Variants in RAF1 observed in about 807,000 individuals in gnomAD.
The protein encoded by RAF1 is Raf-1 proto-oncogene, serine/threonine kinase, also known as RAF proto-oncogene serine/threonine-protein kinase.
Under a neutral mutation model 81.1 loss-of-function variants are expected in RAF1, and 27 were observed. The ratio of observed to expected loss-of-function variants is 0.33; its 90% CI spans 0.25 to 0.46. RAF1 has a LOEUF of 0.46. Ranked by LOEUF, RAF1 falls within the 20% of genes least tolerant of loss-of-function variation. The pLI is 1.00. For missense variants in RAF1, 598 were observed against 826.0 expected (o/e 0.72, Z 3.38); for synonymous variants, 298 against 294.0 (o/e 1.01, Z -0.14).
chr3:12,649,227 A>C (rs538702494), intron 1 of RAF1, among the ~76,000 whole-genome samples: 4 of 152,338 alleles, frequency 2.6e-5, no homozygotes, highest in African/African-American at 9.6e-5. Context: ...TGTAAAACTG[A>C]TAATATCATT....
chr3:12,599,891 G>T, intron 10 of RAF1, 83 bp from the exon 10 acceptor site: 1 of 1,230,386 alleles, frequency 8.1e-7, no homozygotes. Context: ...ATCAACCCAT[G>T]TCATCTGTTT....
At chr3:12,629,090 T>C (rs1339875352) in intron 1 of RAF1, among the ~76,000 whole-genome samples, 1 of 152,150 alleles carries the variant, frequency 6.6e-6, no homozygotes, top group East Asian at 1.9e-4. Flanking sequence ...ATAATTCCTA[T>C]GGATCATTTT....
chr3:12,644,170 G>A (rs749933822), intron 1 of RAF1, among the ~76,000 whole-genome samples: 20 of 152,070 alleles, frequency 1.3e-4, no homozygotes, highest in Middle Eastern at 6.8e-3. Context: ...AAGTAGCTTC[G>A]GGACAAGTCA....
intron 1 of RAF1, among the ~76,000 whole-genome samples, chr3:12,624,189 C>T (rs1222372331): frequency 6.6e-6 from 1 of 152,056 alleles, no homozygotes; most frequent in Admixed American, 6.6e-5. Flanking sequence ...CTCATACAAA[C>T]GATAGGTCAT....
In RAF1 at chr3:12,585,129, C is replaced by T. The variant is rs1345746169; in HGVS notation, c.1721G>A (p.Arg574Gln). The T allele has an allele frequency of 1.2e-6, 2 of 1,614,098 alleles. No individual in the cohort carries two copies. The highest frequency in any genetic ancestry group is 1.7e-6 in the Non-Finnish European group (2 of 1,180,022). The stretch of plus-strand genomic sequence containing the variant: ...GCACCAGCACAGACTTACCTGATCT[C>T]GGTTGTTGATGTGAGAATAAGGAAG... The change falls in exon 16 of 18, where the codon CGA becomes CAA. Residue 574 changes from arginine (R) to glutamine (Q), a missense_variant. Arg to Gln is a conservative substitution (Grantham distance 43). This residue lies in a region of RAF1 where 147 missense variants were observed against 196.1 expected (regional missense o/e 0.75). Transcript: ENST00000442415.
chr3:12,599,575 A>G, intron 11 of RAF1, 116 bp downstream of exon 10: 1 of 770,830 alleles, frequency 1.3e-6, no homozygotes, highest in South Asian at 1.4e-5. Flanking sequence ...TATGTAAGGG[A>G]GAGTACTGCT....
intron 1 of RAF1, among the ~76,000 whole-genome samples, chr3:12,646,857 G>T (rs2060363657): frequency 6.6e-6 from 1 of 151,694 alleles, no homozygotes; most frequent in South Asian, 2.1e-4. Flanking sequence ...CCTAATTTTT[G>T]TGATTTTAGT....
chr3:12,649,639 C>T (rs879209226), intron 1 of RAF1, among the ~76,000 whole-genome samples: 1 of 151,922 alleles, frequency 6.6e-6, no homozygotes, highest in Non-Finnish European at 1.5e-5. Context: ...CTGTTAGTTA[C>T]ACCATTAATT....
chr3:12,598,740 A>AAAAAAAAAC (rs2058763968), intron 11 of RAF1, among the ~76,000 whole-genome samples: 2 of 149,392 alleles, frequency 1.3e-5, no homozygotes. Context: ...AAAAAAAAAA[A>AAAAAAAAAC]AAAAAAAAAA....
chr3:12,637,660 C>G (rs2060070623), intron 1 of RAF1, among the ~76,000 whole-genome samples: 1 of 151,838 alleles, frequency 6.6e-6, no homozygotes, highest in Non-Finnish European at 1.5e-5. Flanking sequence ...CGAGACCAGC[C>G]TGGCCAATGT....
intron 1 of RAF1, among the ~76,000 whole-genome samples, chr3:12,623,564 G>A (rs1258748190): frequency 5.9e-5 from 9 of 152,068 alleles, no homozygotes; most frequent in East Asian, 3.9e-4. Context: ...TAGGGAGGCC[G>A]AGGCAGATGG....
At chr3:12,653,096 A>G (rs1338709782) in intron 1 of RAF1, among the ~76,000 whole-genome samples, 2 of 152,170 alleles carry the variant, frequency 1.3e-5, no homozygotes, top group Non-Finnish European at 2.9e-5. Flanking sequence ...ACCCTGGGCA[A>G]CAGGGTGAAA....
At chr3:12,654,164 T>C (rs2060615674) in intron 1 of RAF1, among the ~76,000 whole-genome samples, 1 of 47,930 alleles carries the variant, frequency 2.1e-5, no homozygotes, top group South Asian at 1.3e-3. Context: ...CTAGTTTTTT[T>C]GGTTTTAGAG....
At chr3:12,604,734 A>G (rs1019607593) in intron 6 of RAF1, among the ~76,000 whole-genome samples, 4 of 152,180 alleles carry the variant, frequency 2.6e-5, no homozygotes, top group African/African-American at 9.7e-5. Context: ...AAAGGCCAGG[A>G]TTTTACCCTC....
intron 1 of RAF1, among the ~76,000 whole-genome samples, chr3:12,642,148 C>CA (rs930304358): frequency 2.0e-5 from 3 of 147,958 alleles, no homozygotes; most frequent in South Asian, 2.1e-4. Context: ...AACTCTGTCT[C>CA]AAAAAAATCA....
intron 6 of RAF1, among the ~76,000 whole-genome samples, chr3:12,605,881 T>C (rs746254903): frequency 1.3e-5 from 2 of 152,216 alleles, no homozygotes; most frequent in East Asian, 1.9e-4. Context: ...TTTAGGACCC[T>C]TTCCATTGAG....
intron 1 of RAF1, among the ~76,000 whole-genome samples, chr3:12,619,681 G>A (rs1374257088): frequency 6.6e-6 from 1 of 151,898 alleles, no homozygotes; most frequent in African/African-American, 2.4e-5. Flanking sequence ...CCTTGAGTGT[G>A]AGCAACACAT....
rs59472802 is a variant in RAF1, at chr3:12,598,725, C to CAAAAAAAAAAAAAAA, written c.1168+951_1168+965dup. The stretch of plus-strand genomic sequence containing the variant: ...TGGGCAACAGAGCAAGAATCTATCT[C>CAAAAAAAAAAAAAAA]AAAAAAAAAAAAAAAAAAAAAAAAA... On this transcript the variant is annotated intron_variant, in intron 11 of 17. Transcript: ENST00000442415. Among the ~76,000 whole-genome samples, 145 of 61,986 alleles carry CAAAAAAAAAAAAAAA rather than the reference C, an allele frequency of 2.3e-3. 7 individuals are homozygous for CAAAAAAAAAAAAAAA. Among genetic ancestry groups the CAAAAAAAAAAAAAAA allele is most frequent in the Non-Finnish European group, 3.6e-3 (116 of 32,140 alleles). 40.7% of individuals were successfully genotyped at this position (61,986 alleles called of 152,430 possible).
intron 11 of RAF1, among the ~76,000 whole-genome samples, chr3:12,593,690 A>G (rs1437235174): frequency 6.6e-6 from 1 of 152,186 alleles, no homozygotes; most frequent in Non-Finnish European, 1.5e-5. Context: ...GTAGGAGGAC[A>G]ACAATCATTT....
Sources: allele counts gnomAD v4.1 joint callset (sites outside exome capture counted in the v4.1 genomes callset), GRCh38; gene constraint gnomAD v4.1.1; regional missense constraint gnomAD v4.1.1; transcripts MANE v1.5; gene names NCBI Gene and HGNC (gene_info 2026-07-23, HGNC 2026-07-21).